The following CADM2 variants were observed in gnomAD, a reference collection of about 807,000 sequenced individuals.
The protein encoded by CADM2 is immunoglobulin superfamily member 4D.
A neutral mutation model predicts 49.8 loss-of-function variants in CADM2; 12 were observed. The ratio of observed to expected loss-of-function variants is 0.24; its 90% confidence interval spans 0.15 to 0.39. The LOEUF (loss-of-function observed/expected upper bound fraction) is 0.39. Among genes scored for constraint, CADM2 ranks in the 10% least tolerant of loss-of-function variants. The probability of loss-of-function intolerance (pLI) is 1.00; values close to 1 mark genes in which losing one functional copy is unlikely to be tolerated. For missense variants in CADM2, 378 were observed against 492.3 expected (o/e 0.77, Z 2.20); for synonymous variants, 214 against 175.4 (o/e 1.22, Z -1.74).
intron 3 of CADM2, among the ~76,000 whole-genome samples, chr3:85,823,882 A>G (rs1450040917): frequency 1.3e-5 from 2 of 152,154 alleles, no homozygotes; most frequent in Admixed American, 1.3e-4. Flanking sequence ...AGAAAAACTA[A>G]CAAATTGTTA....
chr3:85,880,587 G>C lies in CADM2; in HGVS notation c.239-2704G>C, dbSNP rs1047531042. Among the ~76,000 whole-genome samples, 3 of 152,146 alleles carry C rather than the reference G, an allele frequency of 2.0e-5. No homozygotes were observed. In the East Asian group the frequency reaches 5.8e-4, roughly 29 times the overall value. Reference sequence around the variant, plus strand: ...ACTGGTTAAGAAATCATAGTTGATAGTTCTTTTTCAGAAGTTGAAAAATGC... The same window carrying C: ...ACTGGTTAAGAAATCATAGTTGATACTTCTTTTTCAGAAGTTGAAAAATGC... On this transcript the variant is annotated intron_variant, in intron 3 of 9. Transcript: ENST00000383699.
intron 1 of CADM2, among the ~76,000 whole-genome samples, chr3:85,695,788 C>T (rs1577104589): frequency 1.3e-5 from 2 of 152,164 alleles, no homozygotes; most frequent in African/African-American, 2.4e-5. Flanking sequence ...AGTGGGATTT[C>T]TGGATAGAAT....
chr3:85,172,930 ATATAT>A (rs1018615192), intron 1 of CADM2, among the ~76,000 whole-genome samples: 12 of 128,794 alleles, frequency 9.3e-5, no homozygotes, highest in Admixed American at 4.4e-4. Flanking sequence ...ATAATATATA[ATATAT>A]TATATAATAT....
At chr3:85,548,550 A>AATG (rs1364776064) in intron 1 of CADM2, among the ~76,000 whole-genome samples, 2 of 42,348 alleles carry the variant, frequency 4.7e-5, no homozygotes, top group Admixed American at 7.5e-4. Context: ...AAATAATCAG[A>AATG]ATAATAAGAA....
At chr3:85,499,271 T>C (rs1255773959) in intron 1 of CADM2, among the ~76,000 whole-genome samples, 1 of 152,118 alleles carries the variant, frequency 6.6e-6, no homozygotes, top group African/African-American at 2.4e-5. Context: ...AATTTTTCTT[T>C]AGTGAATTTT....
chr3:85,295,493 T>C (rs2106957762), intron 1 of CADM2, among the ~76,000 whole-genome samples: 1 of 152,250 alleles, frequency 6.6e-6, no homozygotes, highest in South Asian at 2.1e-4. Flanking sequence ...CGTGCACATG[T>C]ATGTTTATTG....
intron 1 of CADM2, among the ~76,000 whole-genome samples, chr3:85,504,035 C>G (rs191253862): frequency 6.6e-6 from 1 of 152,256 alleles, no homozygotes; most frequent in East Asian, 1.9e-4. Flanking sequence ...TGTGTCCGGA[C>G]TTGGTGGGTT....
At chr3:85,345,683 G>A (rs1271005828) in intron 1 of CADM2, among the ~76,000 whole-genome samples, 1 of 152,182 alleles carries the variant, frequency 6.6e-6, no homozygotes, top group Non-Finnish European at 1.5e-5. Context: ...TAGGAGGCAT[G>A]ACATCTAAAT....
intron 1 of CADM2, among the ~76,000 whole-genome samples, chr3:84,987,474 T>C (rs1306765199): frequency 6.6e-6 from 1 of 152,196 alleles, no homozygotes; most frequent in African/African-American, 2.4e-5. Flanking sequence ...TCCTTTTCTA[T>C]AGGGCTCTGA....
intron 8 of CADM2, among the ~76,000 whole-genome samples, chr3:85,971,369 G>A (rs1291783276): frequency 6.6e-6 from 1 of 151,630 alleles, no homozygotes; most frequent in Non-Finnish European, 1.5e-5. Flanking sequence ...CAAGCCGAAA[G>A]TCTTCAGTTT....
intron 3 of CADM2, among the ~76,000 whole-genome samples, chr3:85,815,157 A>G (rs1418117638): frequency 4.6e-5 from 7 of 152,180 alleles, no homozygotes; most frequent in Non-Finnish European, 1.0e-4. Context: ...GCCGAATTCT[A>G]CAAGGGGTAC....
intron 3 of CADM2, among the ~76,000 whole-genome samples, chr3:85,802,744 T>C (rs1400498770): frequency 6.6e-6 from 1 of 152,098 alleles, no homozygotes; most frequent in East Asian, 1.9e-4. Flanking sequence ...ATTAACTAAT[T>C]TCAACTTCTT....
At position 85,037,178 on chromosome 3, in the gene CADM2, A is replaced by C. The variant is rs943977775; in HGVS notation, c.61+77510A>C. On this transcript the variant is annotated intron_variant, in intron 1 of 9. Transcript: ENST00000383699. The stretch of plus-strand genomic sequence containing the variant: ...GAGTGAAACTCCATCTCTAAAAAAA[A>C]CAAACAAACAAAAAGATATGATTCT... 2.5e-4 allele frequency among the ~76,000 whole-genome samples: 38 copies of C among 151,642 alleles called. 1 individual carries two copies. The highest frequency in any genetic ancestry group is 4.2e-4 in the South Asian group (2 of 4,796).
chr3:85,135,736 T>C (rs2039398535), intron 1 of CADM2, among the ~76,000 whole-genome samples: 2 of 152,052 alleles, frequency 1.3e-5, no homozygotes, highest in Non-Finnish European at 2.9e-5. Context: ...GTAGAAGCAT[T>C]ATTTCAATAC....
At chr3:85,729,951 T>G (rs2067860882) in intron 2 of CADM2, among the ~76,000 whole-genome samples, 1 of 152,214 alleles carries the variant, frequency 6.6e-6, no homozygotes, top group South Asian at 2.1e-4. Context: ...TCTTATTTAT[T>G]TACTTATTTT....
intron 1 of CADM2, among the ~76,000 whole-genome samples, chr3:85,436,261 A>C (rs553746476): frequency 3.9e-5 from 6 of 152,054 alleles, no homozygotes; most frequent in African/African-American, 1.4e-4. Flanking sequence ...GAGATTTTTG[A>C]ACATTGATTT....
intron 6 of CADM2, among the ~76,000 whole-genome samples, chr3:85,913,681 A>T (rs751564000): frequency 6.6e-6 from 1 of 152,206 alleles, no homozygotes; most frequent in African/African-American, 2.4e-5. Flanking sequence ...AACAAACTTC[A>T]TTTCTCTTAC....
intron 1 of CADM2, among the ~76,000 whole-genome samples, chr3:85,689,927 A>T (rs1274929785): frequency 6.6e-6 from 1 of 152,196 alleles, no homozygotes; most frequent in African/African-American, 2.4e-5. Flanking sequence ...CAGAAAGGAA[A>T]AAACAGGGCA....
At chr3:85,005,349 T>C (rs531767450) in intron 1 of CADM2, among the ~76,000 whole-genome samples, 15 of 152,288 alleles carry the variant, frequency 9.8e-5, no homozygotes, top group African/African-American at 3.4e-4. Flanking sequence ...CCTCTGGCTG[T>C]AGTTTGCCTC....
Sources: gnomAD v4.1 joint callset for allele counts (sites outside exome capture counted in the v4.1 genomes callset) on GRCh38, gnomAD v4.1.1 for gene constraint, MANE v1.5 for transcripts, NCBI Gene and HGNC (gene_info 2026-07-23, HGNC 2026-07-21) for gene names.